Variants in ITGAM observed in about 807,000 individuals in gnomAD.
ITGAM encodes integrin subunit alpha M, also known as integrin alpha-M.
ITGAM carries 79 observed loss-of-function variants against 137.5 expected under a neutral mutation model. That is an observed-to-expected ratio of 0.57 (90% confidence interval 0.48 to 0.69). ITGAM has a LOEUF of 0.69. ITGAM is among the 30% of genes least tolerant of loss of function. ITGAM has a pLI of 0.00. For synonymous variants in ITGAM, 583 were observed against 592.3 expected (o/e 0.98, Z 0.23); for missense variants, 1,343 against 1,483.5 (o/e 0.91, Z 1.56).
chr16:31,270,743 A>ATATATT (rs1475429642), intron 5 of ITGAM, among the ~76,000 whole-genome samples: 3 of 106,204 alleles, frequency 2.8e-5, no homozygotes, highest in African/African-American at 9.5e-5. Flanking sequence ...ATATATATAT[A>ATATATT]TGTTTTTAAC....
At position 31,259,998 on chromosome 16, in the gene ITGAM, T is replaced by A; in HGVS notation, c.-67T>A. 1 of 1,394,730 alleles carries A rather than the reference T, an allele frequency of 7.2e-7. No homozygotes were observed. The highest frequency in any genetic ancestry group is 1.0e-6 in the Non-Finnish European group (1 of 1,000,364). 86.4% of individuals were successfully genotyped at this position (1,394,730 alleles called of 1,614,324 possible). On this transcript the variant is annotated 5_prime_UTR_variant, in exon 1 of 30. It adds an upstream start codon to the 5' untranslated region. Coordinates refer to ENST00000544665, the MANE Select transcript of ITGAM (RefSeq NM_000632.4). ...GCCCTTCTTTGCTTTGGTGGCTTCC[T>A]TGTGGTTCCTCAGTGGTGCCTGCAA... is the stretch of plus-strand genomic sequence containing the variant.
chr16:31,309,911 A>C (rs1416061368), intron 14 of ITGAM, among the ~76,000 whole-genome samples: 2 of 152,002 alleles, frequency 1.3e-5, no homozygotes, highest in African/African-American at 4.8e-5. Flanking sequence ...TTCACTTATG[A>C]AGCTTAGTTT....
intron 14 of ITGAM, 138 bp from the exon 15 acceptor site, chr16:31,321,103 A>G: frequency 1.2e-6 from 1 of 858,860 alleles, no homozygotes; most frequent in South Asian, 1.6e-5. Flanking sequence ...AAGCTGTCCT[A>G]GTTCCTTGGT....
At chr16:31,288,335 C>G (rs1338037020) in intron 12 of ITGAM, among the ~76,000 whole-genome samples, 1 of 152,020 alleles carries the variant, frequency 6.6e-6, no homozygotes, top group Non-Finnish European at 1.5e-5. Flanking sequence ...AGAAGGGACC[C>G]ATATATTAGA....
At chr16:31,310,773 G>T (rs1000883174) in intron 14 of ITGAM, among the ~76,000 whole-genome samples, 1 of 152,152 alleles carries the variant, frequency 6.6e-6, no homozygotes, top group Non-Finnish European at 1.5e-5. Context: ...GAGGCGCTCT[G>T]ATTTTTAGAG....
chr16:31,271,801 G>A, intron 6 of ITGAM, 46 bp from the exon 7 acceptor site: 1 of 1,610,726 alleles, frequency 6.2e-7, no homozygotes, highest in Non-Finnish European at 8.5e-7. Context: ...ATGTCTGAGG[G>A]GTGGGGGCAC....
chr16:31,286,254 A>G (rs985059866), intron 12 of ITGAM, among the ~76,000 whole-genome samples: 18 of 152,226 alleles, frequency 1.2e-4, no homozygotes, highest in African/African-American at 4.3e-4. Flanking sequence ...CACCACTGAT[A>G]GACACCTAGG....
rs1392182538 is a variant in ITGAM at position 31,331,866 on chromosome 16, T to TGC, written c.*160_*161dup. On this transcript the variant is annotated 3_prime_UTR_variant, in exon 30 of 30. Coordinates refer to ENST00000544665, the MANE Select transcript of ITGAM (RefSeq NM_000632.4). ...GTGTGCAAGTGTGTATGTGCGTGTG[T>TGC]GCAAGTGTCTGTGTGCAAGTGTGTG... The TGC allele has an allele frequency of 1.3e-5, 8 of 604,548 alleles. No homozygotes were observed. Among genetic ancestry groups the TGC allele is most frequent in the Non-Finnish European group, 1.7e-5 (6 of 343,444 alleles). 37.4% of individuals were successfully genotyped at this position (604,548 alleles called of 1,614,324 possible). A position where few individuals can be genotyped will look rare whatever the true frequency, so the allele number is the denominator to read the frequency against.
At chr16:31,283,361 A>C (rs940193569) in intron 12 of ITGAM, among the ~76,000 whole-genome samples, 1 of 152,216 alleles carries the variant, frequency 6.6e-6, no homozygotes, top group African/African-American at 2.4e-5. Context: ...TACACCAATC[A>C]GACGTAGATT....
chr16:31,310,104 C>T (rs1490757796), intron 14 of ITGAM, among the ~76,000 whole-genome samples: 1 of 151,236 alleles, frequency 6.6e-6, no homozygotes, highest in Admixed American at 6.6e-5. Flanking sequence ...GTAACCCAAC[C>T]TTTCTCTCTG....
In ITGAM at chr16:31,272,422, A is replaced by AATATAT. The variant is rs2079850545; in HGVS notation, c.704+430_704+431insATATAT. 1.6e-3 allele frequency among the ~76,000 whole-genome samples: 79 copies of AATATAT among 48,962 alleles called. 3 individuals carry two copies. Among genetic ancestry groups the AATATAT allele is most frequent in the Middle Eastern group, 0.014 (1 of 74 alleles). The allele number at this position is 48,962 out of a possible 152,430, so 32.1% of individuals were successfully genotyped here. On this transcript the variant is annotated intron_variant, in intron 7 of 29. Coordinates refer to ENST00000544665, the MANE Select transcript of ITGAM (RefSeq NM_000632.4). ...GGAGAGGTTTCCTGAAGGCCAATTAACTATATATATATATATATATATATA... is the reference window on the plus strand; with the variant it reads ...GGAGAGGTTTCCTGAAGGCCAATTAAATATATCTATATATATATATATATATATATA...
intron 21 of ITGAM, among the ~76,000 whole-genome samples, chr16:31,326,443 GT>G (rs1320760159): frequency 2.0e-5 from 3 of 152,098 alleles, no homozygotes; most frequent in African/African-American, 4.8e-5. Context: ...TTGAGATGGA[GT>G]TTCACTTCGT....
In ITGAM at chr16:31,330,543, A is replaced by C. The variant is rs2080567042; in HGVS notation, c.3214A>C (p.Ile1072Leu). 1.2e-6 allele frequency: 2 copies of C among 1,613,682 alleles called. No individual in the cohort carries two copies. The highest frequency in any genetic ancestry group is 4.5e-5 in the East Asian group (2 of 44,864). The stretch of plus-strand genomic sequence containing the variant: ...CCTCCTGATCGTGAGCACAGCTGAG[A>C]TCTTGTTTAACGATTCCGTGTTCAC... Reference protein sequence around the residue: ...NHLLIVSTAEILFNDSVFTLL... With the variant: ...NHLLIVSTAELLFNDSVFTLL... Residue 1072 changes from isoleucine (I) to leucine (L), a missense_variant, in exon 28 of 30, where the codon ATC becomes CTC. Transcript: ENST00000544665.
Position 31,297,656 on chromosome 16 carries a change from T to G in ITGAM, c.1497+2T>G, listed in dbSNP as rs768656943. 3.1e-6 allele frequency: 5 copies of G among 1,609,954 alleles called. No homozygotes were observed. Among genetic ancestry groups the G allele is most frequent in the Non-Finnish European group, 4.2e-6 (5 of 1,178,822 alleles). ...TCCGTGTGCCCCTTGCCCAGGGGGG[T>G]GAGTGGCAATGGGACCTGGGCTGGG... On this transcript the variant is annotated splice_donor_variant, in intron 13 of 29. Transcript: ENST00000544665. LOFTEE classifies it high-confidence loss of function.
chr16:31,321,773 A>T, intron 16 of ITGAM, 146 bp downstream of exon 16: 1 of 830,172 alleles, frequency 1.2e-6, no homozygotes, highest in Non-Finnish European at 1.8e-6. Flanking sequence ...CTGAGTGAGC[A>T]GGCTATTGTC....
At chr16:31,275,394 T>G (rs2079895279) in intron 8 of ITGAM, among the ~76,000 whole-genome samples, 155 bp from the exon 9 acceptor site, 1 of 152,218 alleles carries the variant, frequency 6.6e-6, no homozygotes, top group Non-Finnish European at 1.5e-5. Flanking sequence ...GTGTACAACC[T>G]GCCCAACTAT....
At chr16:31,273,001 C>T (rs13338129) in intron 7 of ITGAM, among the ~76,000 whole-genome samples, 6,540 of 151,750 alleles carry the variant, frequency 0.043, 465 homozygotes, top group African/African-American at 0.15. Context: ...TCCTTTCTGA[C>T]GTTAATAGCA....
chr16:31,271,842 C>T lies in ITGAM; in HGVS notation c.559-5C>T, dbSNP rs373996685. 20 of 1,613,834 alleles carry T rather than the reference C, an allele frequency of 1.2e-5. No individual in the cohort carries two copies. The highest frequency in any genetic ancestry group is 5.0e-5 in the Admixed American group (3 of 59,988). ...CCAGCATCACACCAGCCGCCCCCTC[C>T]GCAGTTCTCTTTGATGCAGTACTCT... On this transcript the variant is annotated splice_region_variant and splice_polypyrimidine_tract_variant and intron_variant, in intron 6 of 29. Transcript: ENST00000544665.
chr16:31,302,972 C>CTT (rs776412191), intron 14 of ITGAM, among the ~76,000 whole-genome samples: 3 of 96,252 alleles, frequency 3.1e-5, no homozygotes, highest in Admixed American at 1.2e-4. Flanking sequence ...TTCTTTCTTT[C>CTT]TTTCTTTCTT....
Sources: allele counts gnomAD v4.1 joint callset (sites outside exome capture counted in the v4.1 genomes callset), GRCh38; gene constraint gnomAD v4.1.1; transcripts MANE v1.5; gene names NCBI Gene and HGNC (gene_info 2026-07-23, HGNC 2026-07-21).